Variants in PELI2 observed in about 807,000 individuals in gnomAD.
PELI2 encodes pellino E3 ubiquitin protein ligase family member 2, also known as E3 ubiquitin-protein ligase pellino homolog 2.
PELI2 carries 23 observed loss-of-function variants against 42.3 expected under a neutral mutation model. The ratio of observed to expected loss-of-function variants is 0.54; its 90% CI spans 0.39 to 0.77. PELI2 has a LOEUF of 0.77. PELI2 is among the 30% of genes least tolerant of loss of function. The pLI is 0.00. For synonymous variants in PELI2, 245 were observed against 212.2 expected, an observed-to-expected ratio of 1.15 and a Z score of -1.34; for missense variants, 463 against 553.2, an observed-to-expected ratio of 0.84 and a Z score of 1.64.
intron 2 of PELI2, among the ~76,000 whole-genome samples, chr14:56,220,349 C>T (rs1887079734): frequency 6.6e-6 from 1 of 151,954 alleles, no homozygotes; most frequent in South Asian, 2.1e-4. Flanking sequence ...GAAGCTAGTA[C>T]TTGGGGAAAA....
At chr14:56,248,367 A>G (rs1313094195) in intron 2 of PELI2, among the ~76,000 whole-genome samples, 1 of 151,712 alleles carries the variant, frequency 6.6e-6, no homozygotes, top group African/African-American at 2.4e-5. Context: ...ACAGATCATT[A>G]TTCCTTTTTT....
chr14:56,193,087 A>G (rs1306303558), intron 2 of PELI2, among the ~76,000 whole-genome samples: 2 of 152,226 alleles, frequency 1.3e-5, no homozygotes, highest in East Asian at 3.8e-4. Flanking sequence ...GCTTTAAATC[A>G]GGCTTTGTGG....
In PELI2 at chr14:56,296,896, C is replaced by G. The variant is rs765835628; in HGVS notation, c.993C>G (p.Asn331Lys). ...NWGHRSDTEA[N>K]ERECPMCRTV... ...GCCATCGGAGTGACACGGAGGCCAA[C>G]GAGAGGGAGTGTCCCATGTGCAGGA... Residue 331 changes from asparagine (N) to lysine (K), a missense_variant, in exon 6 of 6, where the codon AAC (asparagine) becomes AAG (lysine). This residue lies in a region of PELI2 where 103 missense variants were observed against 129.6 expected (regional missense o/e 0.80). Coordinates refer to ENST00000267460, the MANE Select transcript of PELI2 (RefSeq NM_021255.3). 1 of 1,614,146 alleles carries G rather than the reference C, an allele frequency of 6.2e-7. No individual in the cohort carries two copies. Among genetic ancestry groups the G allele is most frequent in the Non-Finnish European group, 8.5e-7 (1 of 1,180,032 alleles).
intron 2 of PELI2, among the ~76,000 whole-genome samples, chr14:56,212,183 A>C (rs1048678535): frequency 2.6e-5 from 4 of 152,258 alleles, no homozygotes; most frequent in Admixed American, 6.5e-5. Flanking sequence ...CTCCAAAGCC[A>C]GCTTGGGGAA....
intron 2 of PELI2, among the ~76,000 whole-genome samples, chr14:56,188,645 T>C (rs897527483): frequency 1.3e-5 from 2 of 152,204 alleles, no homozygotes; most frequent in Non-Finnish European, 2.9e-5. Flanking sequence ...AACTTGTGTG[T>C]ATCTCTGGTC....
chr14:56,176,189 CAGAGAAGGAGGTAT>C (rs1885376195), intron 1 of PELI2, among the ~76,000 whole-genome samples: 1 of 152,126 alleles, frequency 6.6e-6, no homozygotes, highest in Admixed American at 6.6e-5. Flanking sequence ...GAATAGATGC[CAGAGAAGGAGGTAT>C]AGTTGTGATC....
At chr14:56,285,581 T>G (rs1211418198) in intron 3 of PELI2, among the ~76,000 whole-genome samples, 1 of 152,090 alleles carries the variant, frequency 6.6e-6, no homozygotes, top group African/African-American at 2.4e-5. Context: ...GGCCTGAAAG[T>G]TTCATTATTT....
chr14:56,158,156 A>G (rs1055601161), intron 1 of PELI2, among the ~76,000 whole-genome samples: 6 of 151,416 alleles, frequency 4.0e-5, no homozygotes, highest in Non-Finnish European at 7.4e-5. Flanking sequence ...GCCATCTTCC[A>G]AGTAGGGATT....
chr14:56,126,325 G>A (rs1883258199), intron 1 of PELI2, among the ~76,000 whole-genome samples: 1 of 152,122 alleles, frequency 6.6e-6, no homozygotes, highest in Admixed American at 6.5e-5. Context: ...ATGCATCAGG[G>A]GGCATTTTCA....
chr14:56,151,878 T>A (rs1884372683), intron 1 of PELI2, among the ~76,000 whole-genome samples: 1 of 152,188 alleles, frequency 6.6e-6, no homozygotes, highest in Non-Finnish European at 1.5e-5. Context: ...CAATGACACC[T>A]AAGTCTTATA....
At chr14:56,246,167 C>CT (rs1888147226) in intron 2 of PELI2, among the ~76,000 whole-genome samples, 1 of 152,196 alleles carries the variant, frequency 6.6e-6, no homozygotes, top group South Asian at 2.1e-4. Context: ...TCTCCATGTA[C>CT]TTTCTCTCAT....
At chr14:56,223,531 C>A (rs985605139) in intron 2 of PELI2, among the ~76,000 whole-genome samples, 1 of 152,066 alleles carries the variant, frequency 6.6e-6, no homozygotes, top group Non-Finnish European at 1.5e-5. Flanking sequence ...AGAAAAAGGC[C>A]ACAATTGTGG....
rs78124207 is a variant in PELI2 at position 56,171,110 on chromosome 14, C to T, written c.78-7225C>T. On this transcript the variant is annotated intron_variant, in intron 1 of 5. Coordinates refer to ENST00000267460, the MANE Select transcript of PELI2 (RefSeq NM_021255.3). ...AGAATTTTGTCTTTATGACTGGGCT[C>T]TATTCTACTATACAAAAGATGGTTG... Among the ~76,000 whole-genome samples, 70 of 152,290 alleles carry T rather than the reference C, an allele frequency of 4.6e-4. 1 individual carries two copies. In the East Asian group the frequency reaches 0.013, roughly 29 times the overall value.
At chr14:56,274,027 G>A (rs536925981) in intron 2 of PELI2, among the ~76,000 whole-genome samples, 1 of 152,266 alleles carries the variant, frequency 6.6e-6, no homozygotes, top group Non-Finnish European at 1.5e-5. Flanking sequence ...ACAGAGAAGG[G>A]AAGGAGTCTC....
In PELI2 at chr14:56,298,570, C is replaced by A. The variant is rs1364510623; in HGVS notation, c.*1404C>A. 6.6e-6 allele frequency: 1 copy of A among 152,436 alleles called. No individual in the cohort carries two copies. The highest frequency in any genetic ancestry group is 2.4e-5 in the African/African-American group (1 of 41,382). The allele number at this position is 152,436 out of a possible 1,614,324, so 9.4% of individuals were successfully genotyped here. On this transcript the variant is annotated 3_prime_UTR_variant, in exon 6 of 6. Coordinates refer to ENST00000267460, the MANE Select transcript of PELI2 (RefSeq NM_021255.3). ...GCAGATTTGGGTGACTTTTTTTTAA[C>A]CTTTGTACATATACGTAATTTATAT...
chr14:56,242,401 G>A (rs1456009288), intron 2 of PELI2, among the ~76,000 whole-genome samples: 1 of 152,134 alleles, frequency 6.6e-6, no homozygotes, highest in Non-Finnish European at 1.5e-5. Context: ...GTGTGAGGAA[G>A]CTAAAGTCTC....
intron 2 of PELI2, among the ~76,000 whole-genome samples, chr14:56,260,455 G>A (rs571297977): frequency 1.3e-5 from 2 of 152,120 alleles, no homozygotes; most frequent in Admixed American, 1.3e-4. Flanking sequence ...CCTATCAATG[G>A]TTCCTGGGGG....
chr14:56,131,919 G>C (rs928442450), intron 1 of PELI2, among the ~76,000 whole-genome samples: 1 of 152,148 alleles, frequency 6.6e-6, no homozygotes, highest in South Asian at 2.1e-4. Context: ...CTCTTTAATC[G>C]TGCCGAGTTC....
At chr14:56,278,435 G>A (rs1011035921) in intron 2 of PELI2, among the ~76,000 whole-genome samples, 2 of 152,112 alleles carry the variant, frequency 1.3e-5, no homozygotes, top group African/African-American at 4.8e-5. Flanking sequence ...CACTCTCAGT[G>A]AATTTATCTG....
Sources: gnomAD v4.1 joint callset for allele counts (sites outside exome capture counted in the v4.1 genomes callset) on GRCh38, gnomAD v4.1.1 for gene constraint, gnomAD v4.1.1 regional missense constraint, MANE v1.5 for transcripts, NCBI Gene and HGNC (gene_info 2026-07-23, HGNC 2026-07-21) for gene names.